Variants in SOX5 observed in about 807,000 individuals in gnomAD.
SOX5 encodes transcription factor SOX-5.
In SOX5, 9 loss-of-function variants were observed where a neutral mutation model predicts 92.0. The ratio of observed to expected loss-of-function variants is 0.10; its 90% CI spans 0.06 to 0.17. The LOEUF (loss-of-function observed/expected upper bound fraction) is 0.17. Ranked by LOEUF, SOX5 falls within the 10% of genes least tolerant of loss-of-function variation. The pLI is 1.00. For synonymous variants in SOX5, 344 were observed against 336.3 expected (o/e 1.02, Z -0.25); for missense variants, 642 against 944.5 (o/e 0.68, Z 4.20).
intron 1 of SOX5, among the ~76,000 whole-genome samples, chr12:24,411,612 G>T (rs73283486): frequency 6.6e-6 from 1 of 152,182 alleles, no homozygotes; most frequent in South Asian, 2.1e-4. Flanking sequence ...TTACACTGAT[G>T]GTTTTTCATA....
intron 1 of SOX5, among the ~76,000 whole-genome samples, chr12:23,913,899 A>G (rs1262128955): frequency 1.3e-5 from 2 of 152,180 alleles, no homozygotes; most frequent in African/African-American, 2.4e-5. Flanking sequence ...ATATGCTTAG[A>G]AAAGATAATA....
At chr12:24,011,272 C>T (rs1310069296) in intron 4 of SOX5, among the ~76,000 whole-genome samples, 17 of 152,148 alleles carry the variant, frequency 1.1e-4, no homozygotes, top group Admixed American at 1.1e-3. Context: ...TGCGCACATG[C>T]ATACACACTC....
At chr12:23,552,003 T>C (rs1228778770) in intron 11 of SOX5, among the ~76,000 whole-genome samples, 5 of 151,936 alleles carry the variant, frequency 3.3e-5, no homozygotes, top group Non-Finnish European at 7.4e-5. Flanking sequence ...AAGTCGAAGA[T>C]GGTTCAGAAA....
intron 6 of SOX5, among the ~76,000 whole-genome samples, chr12:23,669,076 G>A (rs2084333807): frequency 6.6e-6 from 1 of 152,062 alleles, no homozygotes; most frequent in South Asian, 2.1e-4. Context: ...CTGCTAAGTA[G>A]AATATGCAGT....
chr12:23,889,409 G>T (rs766969612), intron 2 of SOX5, among the ~76,000 whole-genome samples: 9 of 152,104 alleles, frequency 5.9e-5, no homozygotes, highest in Non-Finnish European at 1.0e-4. Flanking sequence ...AGTATTACGC[G>T]CATAACACCA....
intron 2 of SOX5, among the ~76,000 whole-genome samples, chr12:24,365,879 C>T (rs1050502349): frequency 6.6e-6 from 1 of 151,750 alleles, no homozygotes; most frequent in African/African-American, 2.4e-5. Context: ...AGAAGCACCC[C>T]CAAGGCTGAA....
chr12:24,216,213 G>T (rs944597711), intron 3 of SOX5, among the ~76,000 whole-genome samples: 3 of 152,216 alleles, frequency 2.0e-5, no homozygotes, highest in Non-Finnish European at 4.4e-5. Context: ...GCCGGGCGCG[G>T]TGGCTTACGC....
intron 1 of SOX5, among the ~76,000 whole-genome samples, chr12:24,427,489 A>G (rs1826084234): frequency 6.6e-6 from 1 of 152,246 alleles, no homozygotes; most frequent in Non-Finnish European, 1.5e-5. Context: ...ACTGTAGCTA[A>G]AAATTAGATG....
intron 1 of SOX5, among the ~76,000 whole-genome samples, chr12:24,425,474 C>G (rs772412685): frequency 3.9e-5 from 6 of 152,242 alleles, no homozygotes; most frequent in Non-Finnish European, 8.8e-5. Context: ...ACACTTCACT[C>G]TTCCCAGGCC....
rs566934059 is a variant in SOX5 at position 24,241,893 on chromosome 12, A to G, written c.-76-28476T>C. On this transcript the variant is annotated intron_variant, in intron 3 of 4. Coordinates refer to the SOX5 transcript ENST00000446891. ...TGTAATTAAAGCTACTGGGAAAAAAATAAGTTTTCTTACTGTCTACAGTTT... is the reference window on the plus strand; with the variant it reads ...TGTAATTAAAGCTACTGGGAAAAAAGTAAGTTTTCTTACTGTCTACAGTTT... Among the ~76,000 whole-genome samples the G allele has an allele frequency of 8.5e-4, 130 of 152,334 alleles. 1 individual carries two copies. The South Asian group carries it at 0.026, about 31-fold the overall frequency.
chr12:24,365,878 C>T (rs1437811564), intron 2 of SOX5, among the ~76,000 whole-genome samples: 1 of 151,742 alleles, frequency 6.6e-6, no homozygotes, highest in Non-Finnish European at 1.5e-5. Context: ...AAGAAGCACC[C>T]CCAAGGCTGA....
At chr12:24,532,015 TG>T (rs1951238534) in intron 1 of SOX5, among the ~76,000 whole-genome samples, 1 of 152,112 alleles carries the variant, frequency 6.6e-6, no homozygotes, top group Non-Finnish European at 1.5e-5. Flanking sequence ...TTGGACAAAA[TG>T]GTCAACTTTG....
chr12:23,883,138 G>A (rs914673568), intron 2 of SOX5, among the ~76,000 whole-genome samples: 4 of 151,128 alleles, frequency 2.6e-5, no homozygotes, highest in Admixed American at 2.0e-4. Context: ...CTGAGATCGC[G>A]CCACTGCACT....
At chr12:23,608,311 C>G (rs1220238921) in intron 8 of SOX5, among the ~76,000 whole-genome samples, 1 of 151,986 alleles carries the variant, frequency 6.6e-6, no homozygotes, top group African/African-American at 2.4e-5. Flanking sequence ...CTTTCTATTG[C>G]TTAAAACATT....
intron 4 of SOX5, among the ~76,000 whole-genome samples, chr12:24,144,626 T>C (rs1475594412): frequency 6.6e-6 from 1 of 152,022 alleles, no homozygotes; most frequent in Non-Finnish European, 1.5e-5. Flanking sequence ...AAACTTGGTG[T>C]GGTGCTGGGC....
At chr12:24,502,827 C>T (rs978686227) in intron 1 of SOX5, among the ~76,000 whole-genome samples, 6 of 152,252 alleles carry the variant, frequency 3.9e-5, no homozygotes, top group South Asian at 2.1e-4. Flanking sequence ...TGATATGATG[C>T]CCTGAGAAAA....
At chr12:23,932,784 T>G (rs1052565903) in intron 1 of SOX5, among the ~76,000 whole-genome samples, 1 of 151,646 alleles carries the variant, frequency 6.6e-6, no homozygotes, top group African/African-American at 2.4e-5. Flanking sequence ...TCAAAAATCT[T>G]CTTGGTTGAT....
chr12:23,643,497 G>C (rs980076566), intron 7 of SOX5, among the ~76,000 whole-genome samples: 8 of 152,194 alleles, frequency 5.3e-5, no homozygotes, highest in East Asian at 3.8e-4. Context: ...CTTGAGAGTG[G>C]TTAGCATGTA....
chr12:24,109,664 T>C (rs1463582038), intron 4 of SOX5, among the ~76,000 whole-genome samples: 1 of 152,188 alleles, frequency 6.6e-6, no homozygotes, highest in Middle Eastern at 3.2e-3. Flanking sequence ...TTGATCTCTT[T>C]ATAGGTGTTT....
Sources: gnomAD v4.1 joint callset for allele counts (sites outside exome capture counted in the v4.1 genomes callset) on GRCh38, gnomAD v4.1.1 for gene constraint, MANE v1.5 for transcripts, NCBI Gene and HGNC (gene_info 2026-07-23, HGNC 2026-07-21) for gene names.